The following DMRTC2 variants were observed in gnomAD, a reference collection of about 807,000 sequenced individuals.
The protein encoded by DMRTC2 is DMRT like family C2.
Under a neutral mutation model 39.9 loss-of-function variants are expected in DMRTC2, and 13 were observed. The ratio of observed to expected loss-of-function variants is 0.33; its 90% CI spans 0.21 to 0.52. The LOEUF (loss-of-function observed/expected upper bound fraction) is 0.52. DMRTC2 is among the 20% of genes least tolerant of loss of function. DMRTC2 has a pLI of 0.96. For missense variants in DMRTC2, 431 were observed against 472.8 expected, an observed-to-expected ratio of 0.91 and a Z score of 0.82; for synonymous variants, 189 against 185.2, an observed-to-expected ratio of 1.02 and a Z score of -0.17.
chr19:41,850,486 G>C, intron 7 of DMRTC2, 40 bp from the exon 8 acceptor site: 1 of 1,588,316 alleles, frequency 6.3e-7, no homozygotes, highest in East Asian at 2.3e-5. Flanking sequence ...GTGGGCAGAA[G>C]CGGGGGTTCC....
chr19:41,848,522 C>CG lies in DMRTC2; in HGVS notation c.444dup (p.Lys149GlufsTer64), dbSNP rs2073902311. 3.8e-6 allele frequency: 6 copies of CG among 1,591,834 alleles called. No individual in the cohort carries two copies. The highest frequency in any genetic ancestry group is 5.1e-6 in the Non-Finnish European group (6 of 1,169,298). On this transcript the variant is annotated frameshift_variant, in exon 4 of 9. Transcript: ENST00000269945. LOFTEE classifies it high-confidence loss of function. ...CAGTCCTGCTGGCACCGACACCCCC[C>CG]GGGAAGGTAAGGAGAGGCTGGGGCC...
At position 41,848,876 on chromosome 19, in the gene DMRTC2, G is replaced by C; in HGVS notation, c.529G>C (p.Val177Leu). 1.9e-6 allele frequency: 3 copies of C among 1,613,012 alleles called. No homozygotes were observed. Among genetic ancestry groups the C allele is most frequent in the Non-Finnish European group, 2.5e-6 (3 of 1,180,028 alleles). Reference protein sequence around the residue: ...SWTPVPPGPWVPGHWLPPGFS... With the variant: ...SWTPVPPGPWLPGHWLPPGFS... ...GACTCCGGTGCCTCCTGGCCCTTGGGTCCCTGGACACTGGCTGCCTCCAGG... is the reference window on the plus strand; with the variant it reads ...GACTCCGGTGCCTCCTGGCCCTTGGCTCCCTGGACACTGGCTGCCTCCAGG... Residue 177 changes from valine (V) to leucine (L), a missense_variant, in exon 5 of 9, where the codon GTC (valine) becomes CTC (leucine). Val to Leu is a conservative substitution (Grantham distance 32). Coordinates refer to ENST00000269945, the MANE Select transcript of DMRTC2 (RefSeq NM_001040283.3).
Position 41,849,602 on chromosome 19 carries a change from T to TG in DMRTC2, c.755+352dup, listed in dbSNP as rs369208189. Among the ~76,000 whole-genome samples the TG allele has an allele frequency of 3.8e-3, 571 of 152,198 alleles. 2 individuals carry two copies. Among genetic ancestry groups the TG allele is most frequent in the Middle Eastern group, 0.017 (5 of 294 alleles). On this transcript the variant is annotated intron_variant, in intron 6 of 8. Coordinates refer to ENST00000269945, the MANE Select transcript of DMRTC2 (RefSeq NM_001040283.3). The stretch of plus-strand genomic sequence containing the variant: ...GATGGGGTAAGATTGCCTGCTGATA[T>TG]GGGGGGCAGAGATGATGAGAGCCTC...
rs1420852347 is a variant in DMRTC2, at chr19:41,847,434, A to T, written c.6A>T (p.Glu2Asp). 2 of 1,564,322 alleles carry T rather than the reference A, an allele frequency of 1.3e-6. No homozygotes were observed. Among genetic ancestry groups the T allele is most frequent in the South Asian group, 1.2e-5 (1 of 83,632 alleles). Residue 2 changes from glutamate (E) to aspartate (D), a missense_variant, in exon 2 of 9, where the codon GAA becomes GAT. Physicochemically the swap from Glu to Asp is conservative, Grantham distance 45. Transcript: ENST00000269945. ...CCACTCCTGCCCCTAGATCCATGGA[A>T]CCCAGTGACATGCCTGCTGGCTACC... is the stretch of plus-strand genomic sequence containing the variant. M[E>D]PSDMPAGYHC...
chr19:41,850,947 A>G (rs1230487168), intron 8 of DMRTC2: 4 of 458,720 alleles, frequency 8.7e-6, no homozygotes, highest in Non-Finnish European at 1.5e-5. Flanking sequence ...AAAGGCAGGG[A>G]CTTGCCCAAG....
rs377566181 is a variant in DMRTC2, at chr19:41,850,036, C to T, written c.756-276C>T. Among the ~76,000 whole-genome samples the T allele has an allele frequency of 4.6e-4, 70 of 151,782 alleles. 5 individuals carry two copies. The South Asian group carries it at 0.014, about 30-fold the overall frequency. On this transcript the variant is annotated intron_variant, in intron 6 of 8. Coordinates refer to ENST00000269945, the MANE Select transcript of DMRTC2 (RefSeq NM_001040283.3). ...AGCTTATGGTGAGCCATGATCACAC[C>T]GCCACTGCACTCCAGCCTAGGTGAC... is the stretch of plus-strand genomic sequence containing the variant.
Position 41,851,766 on chromosome 19 carries a change from T to A in DMRTC2, c.*70T>A. ...GCCTGCTGGCACTGTATATTTAGTG[T>A]CTTACTTAAGGATTTATGCATGGAA... On this transcript the variant is annotated 3_prime_UTR_variant, in exon 9 of 9. Coordinates refer to ENST00000269945, the MANE Select transcript of DMRTC2 (RefSeq NM_001040283.3). 7.4e-7 allele frequency: 1 copy of A among 1,346,658 alleles called. No individual in the cohort carries two copies. Among genetic ancestry groups the A allele is most frequent in the Non-Finnish European group, 1.1e-6 (1 of 946,264 alleles). 83.4% of individuals were successfully genotyped at this position (1,346,658 alleles called of 1,614,324 possible). A position where few individuals can be genotyped will look rare whatever the true frequency, so the allele number is the denominator to read the frequency against.
intron 8 of DMRTC2, 115 bp downstream of exon 8, chr19:41,850,815 A>G: frequency 1.8e-6 from 2 of 1,129,388 alleles, no homozygotes; most frequent in South Asian, 1.8e-5. Flanking sequence ...CTTCAGGCCC[A>G]GGACCCCAAG....
chr19:41,848,179 C>G (rs2073895139), intron 3 of DMRTC2, among the ~76,000 whole-genome samples: 1 of 152,168 alleles, frequency 6.6e-6, no homozygotes, highest in Admixed American at 6.5e-5. Flanking sequence ...AACCCCGTCT[C>G]TACTAAAAAT....
At chr19:41,846,359 ATG>A (rs1212473574) in intron 1 of DMRTC2, among the ~76,000 whole-genome samples, 5 of 151,932 alleles carry the variant, frequency 3.3e-5, no homozygotes, top group Admixed American at 6.6e-5. Context: ...GGAACCTAGG[ATG>A]TGTGTGTGGG....
intron 8 of DMRTC2, 68 bp from the exon 9 acceptor site, chr19:41,851,515 TA>T: frequency 7.5e-7 from 1 of 1,340,774 alleles, no homozygotes; most frequent in Non-Finnish European, 1.1e-6. Context: ...TTGGATTCGG[TA>T]AAAAGAGGGG....
At chr19:41,845,233 C>T (rs916827595) in intron 1 of DMRTC2, 132 bp downstream of exon 1, 1 of 152,248 alleles carries the variant, frequency 6.6e-6, no homozygotes. Context: ...CCCCCTCTCC[C>T]CTTCCCTGCC....
At chr19:41,848,609 G>T in intron 4 of DMRTC2, 81 bp downstream of exon 4, 1 of 1,366,710 alleles carries the variant, frequency 7.3e-7, no homozygotes, top group Non-Finnish European at 1.0e-6. Context: ...CTCAACACCT[G>T]GGTTCTAGCC....
Position 41,851,816 on chromosome 19 carries a change from T to A in DMRTC2, c.*120T>A. On this transcript the variant is annotated 3_prime_UTR_variant, in exon 9 of 9. Coordinates refer to ENST00000269945, the MANE Select transcript of DMRTC2 (RefSeq NM_001040283.3). ...ATTTAATGTAGTACAAGCTTCGGGC[T>A]TTTTTGTTTGTTTGTTTGTTTGTTT... The A allele has an allele frequency of 2.3e-6, 2 of 882,964 alleles. No homozygotes were observed. Among genetic ancestry groups the A allele is most frequent in the Non-Finnish European group, 3.4e-6 (2 of 589,288 alleles). 54.7% of individuals were successfully genotyped at this position (882,964 alleles called of 1,614,324 possible). A position where few individuals can be genotyped will look rare whatever the true frequency, so the allele number is the denominator to read the frequency against.
At chr19:41,847,699 G>A in intron 2 of DMRTC2, 37 bp from the exon 3 acceptor site, 3 of 1,613,866 alleles carry the variant, frequency 1.9e-6, no homozygotes, top group Non-Finnish European at 2.5e-6. Context: ...TCCTCCAAAG[G>A]GTGGCTGACC....
Position 41,850,946 on chromosome 19 carries a change from G to A in DMRTC2, c.991+246G>A, listed in dbSNP as rs2073946796. ...AAAGTGGGGCACTGAGAAAGGCAGG[G>A]ACTTGCCCAAGGGCATATAGTGAGA... On this transcript the variant is annotated intron_variant, in intron 8 of 8. Transcript: ENST00000269945. 6.5e-6 allele frequency: 3 copies of A among 460,374 alleles called. No homozygotes were observed. In the South Asian group the frequency reaches 1.2e-4, roughly 19 times the overall value. The allele number at this position is 460,374 out of a possible 1,614,324, so 28.5% of individuals were successfully genotyped here. A position where few individuals can be genotyped will look rare whatever the true frequency, so the allele number is the denominator to read the frequency against.
chr19:41,848,586 T>C, intron 4 of DMRTC2, 58 bp downstream of exon 4: 1 of 1,398,354 alleles, frequency 7.2e-7, no homozygotes, highest in Non-Finnish European at 9.8e-7. Context: ...ACCCAGACCC[T>C]TTCTTCTGTG....
In DMRTC2 at chr19:41,850,665, C is replaced by A; in HGVS notation, c.956C>A (p.Ala319Asp). ...ACCCCTTCTGTGCCCCCCAACCCTG[C>A]CTGGATCTCCCTGCTTCACCCCTGT... is the stretch of plus-strand genomic sequence containing the variant. Reference protein sequence around the residue: ...RVTPSVPPNPAWISLLHPCGP... With the variant: ...RVTPSVPPNPDWISLLHPCGP... The change falls in exon 8 of 9, where the codon GCC (alanine) becomes GAC (aspartate). Residue 319 changes from alanine (A) to aspartate (D), a missense_variant. Ala to Asp is a moderately radical substitution (Grantham distance 126, BLOSUM62 -2). Coordinates refer to ENST00000269945, the MANE Select transcript of DMRTC2 (RefSeq NM_001040283.3). 6.3e-7 allele frequency: 1 copy of A among 1,599,390 alleles called. No individual in the cohort carries two copies.
chr19:41,851,290 T>TC, intron 8 of DMRTC2: 1 of 342,996 alleles, frequency 2.9e-6, no homozygotes, highest in Non-Finnish European at 5.3e-6. Context: ...GGTGGAGATC[T>TC]GGCATGCCAG....
Sources: gnomAD v4.1 joint callset for allele counts (sites outside exome capture counted in the v4.1 genomes callset) on GRCh38, gnomAD v4.1.1 for gene constraint, MANE v1.5 for transcripts, NCBI Gene and HGNC (gene_info 2026-07-23, HGNC 2026-07-21) for gene names.